The following MGST2 variants were observed in gnomAD, a reference collection of about 807,000 sequenced individuals.
MGST2 encodes the protein microsomal glutathione S-transferase 2.
A neutral mutation model predicts 16.6 loss-of-function variants in MGST2; 9 were observed. The ratio of observed to expected loss-of-function variants is 0.54; its 90% CI spans 0.33 to 0.95. The LOEUF (loss-of-function observed/expected upper bound fraction) is 0.95. MGST2 is among the 40% of genes least tolerant of loss of function. MGST2 has a pLI of 0.03. For missense variants in MGST2, 159 were observed against 175.1 expected (o/e 0.91, Z 0.52); for synonymous variants, 79 against 68.0 (o/e 1.16, Z -0.79).
chr4:139,672,122 C>T (rs767344105), intron 1 of MGST2, among the ~76,000 whole-genome samples: 6 of 152,126 alleles, frequency 3.9e-5, no homozygotes, highest in Admixed American at 2.0e-4. Context: ...AAGCTCATTC[C>T]TCACACTTGC....
At chr4:139,669,784 T>C (rs1730574317) in intron 1 of MGST2, among the ~76,000 whole-genome samples, 1 of 152,198 alleles carries the variant, frequency 6.6e-6, no homozygotes, top group Non-Finnish European at 1.5e-5. Context: ...CATGAGAGAA[T>C]GGTTGCCCAA....
At chr4:139,684,602 T>A (rs1731451830) in intron 2 of MGST2, among the ~76,000 whole-genome samples, 1 of 152,214 alleles carries the variant, frequency 6.6e-6, no homozygotes, top group African/African-American at 2.4e-5. Context: ...GGCAGCTTTC[T>A]TCTGGAGAAC....
Position 139,702,597 on chromosome 4 carries a change from T to C in MGST2, c.230-858T>C, listed in dbSNP as rs138427215. On this transcript the variant is annotated intron_variant, in intron 3 of 4. Transcript: ENST00000265498. The stretch of plus-strand genomic sequence containing the variant: ...CTCCTGTTGATAGGCTTCTGGACTG[T>C]TTCCAGTTTTTGTCTATAATGAATA... Among the ~76,000 whole-genome samples, 846 of 152,314 alleles carry C rather than the reference T, an allele frequency of 5.6e-3. 4 individuals are homozygous for C. Among genetic ancestry groups the C allele is most frequent in the African/African-American group, 0.019 (798 of 41,562 alleles).
At chr4:139,686,415 G>T (rs1010431718) in intron 2 of MGST2, among the ~76,000 whole-genome samples, 1 of 152,150 alleles carries the variant, frequency 6.6e-6, no homozygotes, top group African/African-American at 2.4e-5. Context: ...GTATAAGGGG[G>T]TATGTCTGAC....
At chr4:139,673,702 C>T (rs1730824120) in intron 1 of MGST2, among the ~76,000 whole-genome samples, 1 of 152,162 alleles carries the variant, frequency 6.6e-6, no homozygotes. Flanking sequence ...GTGTGAACCA[C>T]CATGCCTAAA....
intron 5 of MGST2, chr4:139,717,801 G>A (rs1728047121): frequency 6.6e-6 from 1 of 152,424 alleles, no homozygotes; most frequent in Non-Finnish European, 1.5e-5. Flanking sequence ...TCTCACTTAG[G>A]ACGACACCGA....
intron 2 of MGST2, among the ~76,000 whole-genome samples, chr4:139,690,210 T>C (rs1726490602): frequency 6.6e-6 from 1 of 152,200 alleles, no homozygotes; most frequent in African/African-American, 2.4e-5. Context: ...CAGGCTGGTC[T>C]TGAACTCCTG....
intron 1 of MGST2, among the ~76,000 whole-genome samples, chr4:139,678,016 T>G (rs2110817954): frequency 6.6e-6 from 1 of 152,352 alleles, no homozygotes; most frequent in Middle Eastern, 3.4e-3. Context: ...GAGATTTATT[T>G]TCCTTTCACA....
chr4:139,719,118 T>A, intron 5 of MGST2: 1 of 579,784 alleles, frequency 1.7e-6, no homozygotes, highest in Non-Finnish European at 2.9e-6. Context: ...TGGCGTCTCA[T>A]CTCGATTGCT....
At chr4:139,686,106 A>G (rs150162980) in intron 2 of MGST2, among the ~76,000 whole-genome samples, 4 of 152,362 alleles carry the variant, frequency 2.6e-5, no homozygotes, top group African/African-American at 9.6e-5. Context: ...TCAATCAAAT[A>G]CATTTAAGAA....
intron 5 of MGST2, chr4:139,720,411 C>A: frequency 8.1e-7 from 1 of 1,230,632 alleles, no homozygotes; most frequent in Non-Finnish European, 1.1e-6. Flanking sequence ...TTGGGAATGA[C>A]AAAATTCCTT....
At chr4:139,730,309 A>G (rs1017887728) in intron 5 of MGST2, 18 of 959,802 alleles carry the variant, frequency 1.9e-5, no homozygotes, top group African/African-American at 1.1e-4. Flanking sequence ...CTAGACCGTG[A>G]GCATCTTGAT....
At chr4:139,687,377 G>A (rs1308360980) in intron 2 of MGST2, among the ~76,000 whole-genome samples, 1 of 152,184 alleles carries the variant, frequency 6.6e-6, no homozygotes. Context: ...CAAATCAAGA[G>A]TCATTGCTTG....
chr4:139,754,039 T>G, the MGST2 span, among the ~76,000 whole-genome samples: 1 of 152,234 alleles, frequency 6.6e-6, no homozygotes, highest in Admixed American at 6.5e-5. Context: ...TGTACATTAA[T>G]ATGTTGTAAT....
At position 139,715,024 on chromosome 4, in the gene MGST2, G is replaced by A. The variant is rs574636754; in HGVS notation, c.*48+10828G>A. On this transcript the variant is annotated intron_variant, in intron 5 of 5. Transcript: ENST00000616265. This position sits in a 1 kb window ranked among gnomAD's most constrained non-coding sequence, Gnocchi z 4.4. The stretch of plus-strand genomic sequence containing the variant: ...CATAGTGCCGAACCTGTTCTTAGCC[G>A]AGAGGGACTTTACCGAAGAGGGGCC... 4.6e-5 allele frequency among the ~76,000 whole-genome samples: 7 copies of A among 152,320 alleles called. No individual in the cohort carries two copies. Among genetic ancestry groups the A allele is most frequent in the East Asian group, 3.9e-4 (2 of 5,190 alleles).
At chr4:139,689,145 A>T (rs549564422) in intron 2 of MGST2, among the ~76,000 whole-genome samples, 16 of 150,436 alleles carry the variant, frequency 1.1e-4, no homozygotes, top group Non-Finnish European at 1.9e-4. Flanking sequence ...TCCCAAAATG[A>T]CAGAGTGACT....
chr4:139,671,607 C>G (rs1212565679), intron 1 of MGST2, among the ~76,000 whole-genome samples: 1 of 151,940 alleles, frequency 6.6e-6, no homozygotes, highest in African/African-American at 2.4e-5. Flanking sequence ...GCTGGGACTA[C>G]AGGTGCGCCA....
At chr4:139,678,796 C>T in intron 2 of MGST2, 154 bp downstream of exon 2, 3 of 704,034 alleles carry the variant, frequency 4.3e-6, no homozygotes, top group Non-Finnish European at 7.7e-6. Flanking sequence ...TTCTCAGAAT[C>T]CAGAAAGTTT....
intron 3 of MGST2, among the ~76,000 whole-genome samples, chr4:139,696,553 G>A (rs1726933182): frequency 6.6e-6 from 1 of 152,066 alleles, no homozygotes; most frequent in Non-Finnish European, 1.5e-5. Flanking sequence ...AATTCATCTG[G>A]CGTGGTGTCT....
Sources: allele counts gnomAD v4.1 joint callset (sites outside exome capture counted in the v4.1 genomes callset), GRCh38; gene constraint gnomAD v4.1.1; non-coding constraint Gnocchi (gnomAD v3.1); transcripts MANE v1.5; gene names NCBI Gene and HGNC (gene_info 2026-07-23, HGNC 2026-07-21).